Variants in DAD1 observed in about 807,000 individuals in gnomAD.
The protein encoded by DAD1 is dolichyl-diphosphooligosaccharide--protein glycosyltransferase subunit DAD1.
Under a neutral mutation model 9.0 loss-of-function variants are expected in DAD1, and 4 were observed. That is an observed-to-expected ratio of 0.44 (90% CI 0.22 to 1.01). DAD1 has a LOEUF of 1.01. DAD1 is among the 50% of genes least tolerant of loss of function. DAD1 has a pLI of 0.24. For missense variants in DAD1, 119 were observed against 137.3 expected (o/e 0.87, Z 0.67); for synonymous variants, 60 against 62.5 (o/e 0.96, Z 0.19).
chr14:22,576,891 C>T (rs2037080876), intron 1 of DAD1, among the ~76,000 whole-genome samples: 1 of 152,104 alleles, frequency 6.6e-6, no homozygotes, highest in South Asian at 2.1e-4. Flanking sequence ...TCATTAATCA[C>T]TAGGGCAATA....
chr14:22,589,083 C>G lies in DAD1; in HGVS notation c.75G>C (p.Lys25Asn), dbSNP rs1187769778. ...TATACAGCAGGTACGCGTCCAGCAA[C>G]TTCAGACGCTGCGGAGTGGAGCTCA... ...EYLSSTPQRLKLLDAYLLYIL... is the reference protein window; with the variant it reads ...EYLSSTPQRLNLLDAYLLYIL... Residue 25 changes from lysine (K) to asparagine (N), a missense_variant, in exon 1 of 3, where the codon AAG (lysine) becomes AAC (asparagine). Transcript: ENST00000250498. 6.2e-7 allele frequency: 1 copy of G among 1,614,244 alleles called. No individual in the cohort carries two copies. Among genetic ancestry groups the G allele is most frequent in the Non-Finnish European group, 8.5e-7 (1 of 1,180,044 alleles).
intron 1 of DAD1, among the ~76,000 whole-genome samples, chr14:22,584,557 A>G (rs1035263143): frequency 6.6e-6 from 1 of 150,840 alleles, no homozygotes; most frequent in Non-Finnish European, 1.5e-5. Flanking sequence ...CTTTAAAAAC[A>G]GTAACAAAAA....
In DAD1 at chr14:22,565,125, T is replaced by G. The variant is rs1451377240; in HGVS notation, c.*57A>C. ...TCTCCAGAACTCTTATCCAGGAAATTCAAAGAGTGAACCTAGAAGAAAAAA... is the reference window on the plus strand; with the variant it reads ...TCTCCAGAACTCTTATCCAGGAAATGCAAAGAGTGAACCTAGAAGAAAAAA... On this transcript the variant is annotated 3_prime_UTR_variant, in exon 3 of 3. Transcript: ENST00000250498. The G allele has an allele frequency of 1.4e-6, 1 of 702,180 alleles. No individual in the cohort carries two copies. Among genetic ancestry groups the G allele is most frequent in the Non-Finnish European group, 2.6e-6 (1 of 384,768 alleles). The allele number at this position is 702,180 out of a possible 1,614,324, so 43.5% of individuals were successfully genotyped here. A position where few individuals can be genotyped will look rare whatever the true frequency, so the allele number is the denominator to read the frequency against.
intron 2 of DAD1, among the ~76,000 whole-genome samples, chr14:22,565,656 A>G (rs570913561): frequency 1.5e-4 from 23 of 152,366 alleles, no homozygotes; most frequent in African/African-American, 4.8e-4. Flanking sequence ...TTTCATTTAA[A>G]GATAAGTTTA....
At chr14:22,588,328 C>T (rs2037167889) in intron 1 of DAD1, among the ~76,000 whole-genome samples, 1 of 152,070 alleles carries the variant, frequency 6.6e-6, no homozygotes, top group Non-Finnish European at 1.5e-5. Flanking sequence ...AGACTGTTCT[C>T]GCTAAATATA....
intron 1 of DAD1, among the ~76,000 whole-genome samples, chr14:22,584,757 G>A (rs2037141102): frequency 6.6e-6 from 1 of 152,166 alleles, no homozygotes; most frequent in Admixed American, 6.5e-5. Context: ...GCCAGATCAT[G>A]AAAGAGCCTG....
chr14:22,580,829 C>G (rs1312704263), intron 1 of DAD1, among the ~76,000 whole-genome samples: 2 of 152,094 alleles, frequency 1.3e-5, no homozygotes, highest in Non-Finnish European at 2.9e-5. Flanking sequence ...GTATACTCAC[C>G]ACTTACAGAA....
At chr14:22,575,309 C>T (rs376097334) in intron 1 of DAD1, 76 bp from the exon 2 acceptor site, 3 of 1,507,678 alleles carry the variant, frequency 2.0e-6, no homozygotes, top group East Asian at 4.9e-5. Context: ...ACAGACATAC[C>T]CGAGGACCCA....
chr14:22,588,294 T>C (rs1272960569), intron 1 of DAD1, among the ~76,000 whole-genome samples: 1 of 152,184 alleles, frequency 6.6e-6, no homozygotes, highest in African/African-American at 2.4e-5. Flanking sequence ...GCAAGAAAAG[T>C]CAGATTTTAA....
At chr14:22,574,145 T>C (rs1346249269) in intron 2 of DAD1, among the ~76,000 whole-genome samples, 1 of 152,172 alleles carries the variant, frequency 6.6e-6, no homozygotes, top group Admixed American at 6.5e-5. Flanking sequence ...CTACATGGGA[T>C]ACCGGAAGGA....
At chr14:22,565,570 G>GT in intron 2 of DAD1, among the ~76,000 whole-genome samples, 1 of 152,162 alleles carries the variant, frequency 6.6e-6, no homozygotes, top group East Asian at 1.9e-4. Context: ...GGGTAGGGAA[G>GT]TAAGGATTCA....
intron 2 of DAD1, among the ~76,000 whole-genome samples, chr14:22,574,663 G>T (rs2037064643): frequency 6.6e-6 from 1 of 152,124 alleles, no homozygotes; most frequent in Non-Finnish European, 1.5e-5. Context: ...AAATTTAAGT[G>T]CTATGAAAAC....
intron 2 of DAD1, among the ~76,000 whole-genome samples, chr14:22,568,280 A>G (rs984386519): frequency 3.9e-5 from 6 of 152,246 alleles, no homozygotes; most frequent in Non-Finnish European, 8.8e-5. Context: ...GTAAAAGTAT[A>G]TGTGGAATGT....
At chr14:22,581,283 A>G (rs903057285) in intron 1 of DAD1, among the ~76,000 whole-genome samples, 14 of 152,230 alleles carry the variant, frequency 9.2e-5, no homozygotes, top group African/African-American at 3.4e-4. Flanking sequence ...ATAAAACAGG[A>G]TAATAAAGAG....
At chr14:22,571,313 C>CAAAAAA (rs71115558) in intron 2 of DAD1, among the ~76,000 whole-genome samples, 1 of 115,374 alleles carries the variant, frequency 8.7e-6, no homozygotes, top group South Asian at 2.7e-4. Flanking sequence ...GACTCTGTCT[C>CAAAAAA]AAAAAAAAAA....
At chr14:22,571,419 G>A (rs1030178811) in intron 2 of DAD1, among the ~76,000 whole-genome samples, 1 of 151,636 alleles carries the variant, frequency 6.6e-6, no homozygotes, top group Non-Finnish European at 1.5e-5. Flanking sequence ...GCTTCTTTCT[G>A]TCATGGATTC....
At chr14:22,569,329 A>G (rs2139235923) in intron 2 of DAD1, among the ~76,000 whole-genome samples, 1 of 152,156 alleles carries the variant, frequency 6.6e-6, no homozygotes, top group Middle Eastern at 3.4e-3. Context: ...GCTACTCAAG[A>G]GGCTGAGGCA....
At chr14:22,588,861 C>T (rs974665932) in intron 1 of DAD1, 86 bp downstream of exon 1, 2 of 1,316,150 alleles carry the variant, frequency 1.5e-6, no homozygotes, top group East Asian at 2.5e-5. Context: ...CTTCAAGGGG[C>T]GGTGGTCTGA....
chr14:22,566,061 T>C (rs1235681040), intron 2 of DAD1, among the ~76,000 whole-genome samples: 3 of 152,252 alleles, frequency 2.0e-5, no homozygotes, highest in Non-Finnish European at 4.4e-5. Context: ...CTGGAGATTC[T>C]GGCATCAGAA....
Sources: allele counts gnomAD v4.1 joint callset (sites outside exome capture counted in the v4.1 genomes callset), GRCh38; gene constraint gnomAD v4.1.1; transcripts MANE v1.5; gene names NCBI Gene and HGNC (gene_info 2026-07-23, HGNC 2026-07-21).